ZNF597: variants seen among roughly 807,000 people sequenced by gnomAD.
ZNF597 encodes the protein zinc finger protein 597.
Under a neutral mutation model 7.3 loss-of-function variants are expected in ZNF597, and 5 were observed. The ratio of observed to expected loss-of-function variants is 0.68; its 90% CI spans 0.36 to 1.44. ZNF597 has a LOEUF of 1.44. Among genes scored for constraint, ZNF597 ranks in the 40% most tolerant of loss-of-function variants. The pLI is 0.04. For missense variants in ZNF597, 585 were observed against 517.9 expected (o/e 1.13, Z -1.26); for synonymous variants, 209 against 185.4 (o/e 1.13, Z -1.04).
rs894225780 is a variant in ZNF597 at position 3,433,399 on chromosome 16, G to T, written c.*3025C>A. The stretch of plus-strand genomic sequence containing the variant: ...TATACATTTTCATCACTGCATCAAC[G>T]ACAAAAACGGAGAAATTTGTCTGAG... On this transcript the variant is annotated 3_prime_UTR_variant, in exon 4 of 4. Coordinates refer to ENST00000301744, the MANE Select transcript of ZNF597 (RefSeq NM_152457.3). The T allele has an allele frequency of 6.6e-6, 1 of 152,104 alleles. No homozygotes were observed. The highest frequency in any genetic ancestry group is 1.9e-4 in the East Asian group (1 of 5,196). 9.4% of individuals were successfully genotyped at this position (152,104 alleles called of 1,614,324 possible).
Position 3,437,330 on chromosome 16 carries a change from A to T in ZNF597, c.369T>A (p.Ile123=), listed in dbSNP as rs2034315397. 34 of 1,614,090 alleles carry T rather than the reference A, an allele frequency of 2.1e-5. No individual in the cohort carries two copies. Among genetic ancestry groups the T allele is most frequent in the Non-Finnish European group, 2.6e-5 (31 of 1,180,024 alleles). Residue 123 remains isoleucine (I), a synonymous_variant, in exon 4 of 4, where the codon ATT becomes ATA. Transcript: ENST00000301744. ...GTTCTACTAATGGGGTGTGGTTTTC[A>T]ATGGTAACTAAAAGGCTGATGACCC... is the stretch of plus-strand genomic sequence containing the variant. ...KRRVISLLVT[I]ENHTPLVELS...
intron 3 of ZNF597, among the ~76,000 whole-genome samples, chr16:3,438,954 G>C (rs1469902747): frequency 6.6e-6 from 1 of 152,194 alleles, no homozygotes; most frequent in Non-Finnish European, 1.5e-5. Flanking sequence ...ACAGTACCAA[G>C]TGGTTTTGCT....
At position 3,437,168 on chromosome 16, in the gene ZNF597, A is replaced by C. The variant is rs1438402562; in HGVS notation, c.531T>G (p.Ile177Met). The part of the protein sequence containing the change: ...DHSYLVLHQK[I>M]HSGEKKHKCG... ...ATTTATGTTTTTTCTCTCCTGAATG[A>C]ATTTTCTGATGCAAAACTAGGTATG... Residue 177 changes from isoleucine to methionine, a missense_variant, in exon 4 of 4, where the codon ATT becomes ATG. Transcript: ENST00000301744. 1 of 1,614,028 alleles carries C rather than the reference A, an allele frequency of 6.2e-7. No individual in the cohort carries two copies. The highest frequency in any genetic ancestry group is 8.5e-7 in the Non-Finnish European group (1 of 1,180,034).
At chr16:3,442,618 T>G (rs1238229118) in intron 2 of ZNF597, among the ~76,000 whole-genome samples, 1 of 148,886 alleles carries the variant, frequency 6.7e-6, no homozygotes, top group Non-Finnish European at 1.5e-5. Context: ...GAGCTTGCAG[T>G]GAGCCGAGAT....
In ZNF597 at chr16:3,435,424, C is replaced by T. The variant is rs983262025; in HGVS notation, c.*1000G>A. On this transcript the variant is annotated 3_prime_UTR_variant, in exon 4 of 4. Coordinates refer to ENST00000301744, the MANE Select transcript of ZNF597 (RefSeq NM_152457.3). The stretch of plus-strand genomic sequence containing the variant: ...GTGGTGCAAATGCCAACAAATGCCG[C>T]AGTCTTGCAGACTGCATGGCCTTTG... The T allele has an allele frequency of 6.6e-6, 1 of 152,226 alleles. No homozygotes were observed. The highest frequency in any genetic ancestry group is 1.5e-5 in the Non-Finnish European group (1 of 68,054). 9.4% of individuals were successfully genotyped at this position (152,226 alleles called of 1,614,324 possible). A position where few individuals can be genotyped will look rare whatever the true frequency, so the allele number is the denominator to read the frequency against.
At chr16:3,438,761 C>T (rs1371424319) in intron 3 of ZNF597, among the ~76,000 whole-genome samples, 2 of 152,088 alleles carry the variant, frequency 1.3e-5, no homozygotes, top group Admixed American at 1.3e-4. Context: ...AAAATAACAG[C>T]CAATCTACTT....
Position 3,434,396 on chromosome 16 carries a change from A to G in ZNF597, c.*2028T>C, listed in dbSNP as rs1412293947. The G allele has an allele frequency of 6.6e-6, 1 of 152,208 alleles. No homozygotes were observed. Among genetic ancestry groups the G allele is most frequent in the African/African-American group, 2.4e-5 (1 of 41,456 alleles). The allele number at this position is 152,208 out of a possible 1,614,324, so 9.4% of individuals were successfully genotyped here. A position where few individuals can be genotyped will look rare whatever the true frequency, so the allele number is the denominator to read the frequency against. On this transcript the variant is annotated 3_prime_UTR_variant, in exon 4 of 4. Coordinates refer to ENST00000301744, the MANE Select transcript of ZNF597 (RefSeq NM_152457.3). Reference sequence around the variant, plus strand: ...CTCAGAGTTGCCTAATAAGTAATCTAACTGGAGACTATCTTTCTACACATT... The same window carrying G: ...CTCAGAGTTGCCTAATAAGTAATCTGACTGGAGACTATCTTTCTACACATT...
intron 2 of ZNF597, among the ~76,000 whole-genome samples, chr16:3,442,674 C>CAA (rs60660497): frequency 1.5e-5 from 2 of 135,336 alleles, no homozygotes; most frequent in African/African-American, 5.5e-5. Flanking sequence ...GACTCTGTAT[C>CAA]AAAAAAAAAA....
chr16:3,435,687 T>A lies in ZNF597; in HGVS notation c.*737A>T, dbSNP rs1370562596. ...GACAGGTAATGTGCTTCAGTAGCAA[T>A]TTGGAGGCAAATCTTAGAAAAGAGC... is the stretch of plus-strand genomic sequence containing the variant. On this transcript the variant is annotated 3_prime_UTR_variant, in exon 4 of 4. Coordinates refer to ENST00000301744, the MANE Select transcript of ZNF597 (RefSeq NM_152457.3). The A allele has an allele frequency of 6.6e-6, 1 of 152,220 alleles. No homozygotes were observed. The highest frequency in any genetic ancestry group is 1.5e-5 in the Non-Finnish European group (1 of 68,048). The allele number at this position is 152,220 out of a possible 1,614,324, so 9.4% of individuals were successfully genotyped here.
At chr16:3,442,859 C>G (rs1231318427) in intron 2 of ZNF597, among the ~76,000 whole-genome samples, 1 of 152,108 alleles carries the variant, frequency 6.6e-6, no homozygotes, top group Non-Finnish European at 1.5e-5. Context: ...CCAAACAAAA[C>G]AAAACAAACA....
intron 3 of ZNF597, among the ~76,000 whole-genome samples, chr16:3,438,860 C>G (rs1176299065): frequency 6.6e-6 from 1 of 152,174 alleles, no homozygotes; most frequent in Non-Finnish European, 1.5e-5. Context: ...ACAAAAGGAA[C>G]TTTTCTTTCC....
Position 3,433,731 on chromosome 16 carries a change from C to A in ZNF597, c.*2693G>T, listed in dbSNP as rs1305759218. The A allele has an allele frequency of 6.6e-6, 1 of 152,206 alleles. No homozygotes were observed. Among genetic ancestry groups the A allele is most frequent in the Non-Finnish European group, 1.5e-5 (1 of 68,034 alleles). The allele number at this position is 152,206 out of a possible 1,614,324, so 9.4% of individuals were successfully genotyped here. On this transcript the variant is annotated 3_prime_UTR_variant, in exon 4 of 4. Transcript: ENST00000301744. ...CTTCAATTCCCTGGGGGTAAAGCAG[C>A]TTGAATTACATCTAGCAAATGTATT...
rs1007699908 is a variant in ZNF597 at position 3,437,681 on chromosome 16, C to G, written c.161-143G>C. On this transcript the variant is annotated intron_variant, in intron 3 of 3. Coordinates refer to ENST00000301744, the MANE Select transcript of ZNF597 (RefSeq NM_152457.3). ...AACCCAGACACTAACCACACAAAAT[C>G]AGGACCAAGCAGACTCTCCTGGCCT... The G allele has an allele frequency of 9.7e-6, 13 of 1,340,722 alleles. No homozygotes were observed. In the Admixed American group the frequency reaches 3.7e-4, roughly 38 times the overall value. The allele number at this position is 1,340,722 out of a possible 1,614,324, so 83.1% of individuals were successfully genotyped here. A position where few individuals can be genotyped will look rare whatever the true frequency, so the allele number is the denominator to read the frequency against.
rs1166769988 is a variant in ZNF597, at chr16:3,442,665, A to T, written c.33+456T>A. On this transcript the variant is annotated intron_variant, in intron 2 of 3. Transcript: ENST00000301744. ...ACTCCAGCCTGGGCGACAGAGCGAGACTCTGTATCAAAAAAAAAAAAAAAA... is the reference window on the plus strand; with the variant it reads ...ACTCCAGCCTGGGCGACAGAGCGAGTCTCTGTATCAAAAAAAAAAAAAAAA... Among the ~76,000 whole-genome samples the T allele has an allele frequency of 3.2e-5, 4 of 124,056 alleles. No individual in the cohort carries two copies. The Admixed American group carries it at 3.6e-4, about 11-fold the overall frequency. 81.4% of individuals were successfully genotyped at this position (124,056 alleles called of 152,430 possible).
intron 3 of ZNF597, 71 bp from the exon 4 acceptor site, chr16:3,437,609 A>C (rs1596266941): frequency 6.7e-7 from 1 of 1,497,952 alleles, no homozygotes; most frequent in East Asian, 2.3e-5. Context: ...AAAGTAAGCT[A>C]AGGTAGTTAC....
chr16:3,436,791 T>C lies in ZNF597; in HGVS notation c.908A>G (p.Lys303Arg), dbSNP rs772778294. The C allele has an allele frequency of 2.7e-5, 43 of 1,613,516 alleles. No homozygotes were observed. Among genetic ancestry groups the C allele is most frequent in the Admixed American group, 5.0e-5 (3 of 60,006 alleles). The change falls in exon 4 of 4, where the codon AAG (lysine) becomes AGG (arginine). Residue 303 changes from lysine to arginine, a missense_variant. Coordinates refer to ENST00000301744, the MANE Select transcript of ZNF597 (RefSeq NM_152457.3). ...GPQYQHTKCMKSFRQSLYPAL... is the reference protein window; with the variant it reads ...GPQYQHTKCMRSFRQSLYPAL... ...AGGATATAAGGACTGCCTGAAGCTCTTCATGCACTTAGTGTGCTGGTACTG... is the reference window on the plus strand; with the variant it reads ...AGGATATAAGGACTGCCTGAAGCTCCTCATGCACTTAGTGTGCTGGTACTG...
chr16:3,440,993 T>C (rs766516287), intron 2 of ZNF597, 60 bp from the exon 3 acceptor site: 7 of 1,573,016 alleles, frequency 4.5e-6, no homozygotes, highest in Non-Finnish European at 5.2e-6. Flanking sequence ...TCACTTAACC[T>C]AGGAAGGATG....
intron 2 of ZNF597, among the ~76,000 whole-genome samples, chr16:3,442,262 C>G (rs1039160587): frequency 6.6e-6 from 1 of 152,156 alleles, no homozygotes; most frequent in Admixed American, 6.5e-5. Context: ...AGTACCAAAT[C>G]TGTAATTTTG....
rs181737475 is a variant in ZNF597 at position 3,438,456 on chromosome 16, G to C, written c.161-918C>G. Among the ~76,000 whole-genome samples, 696 of 151,894 alleles carry C rather than the reference G, an allele frequency of 4.6e-3. 5 individuals are homozygous for C. The highest frequency in any genetic ancestry group is 0.015 in the African/African-American group (627 of 41,440). Reference sequence around the variant, plus strand: ...CCTGCGCCTGTCGTCCCAGCTACTCGGGAGGCTGAGGCAGGAGAATGGCGT... The same window carrying C: ...CCTGCGCCTGTCGTCCCAGCTACTCCGGAGGCTGAGGCAGGAGAATGGCGT... On this transcript the variant is annotated intron_variant, in intron 3 of 3. Transcript: ENST00000301744.
Sources: gnomAD v4.1 joint callset for allele counts (sites outside exome capture counted in the v4.1 genomes callset) on GRCh38, gnomAD v4.1.1 for gene constraint, MANE v1.5 for transcripts, NCBI Gene and HGNC (gene_info 2026-07-23, HGNC 2026-07-21) for gene names.